Variants in FOXP2 observed in about 807,000 individuals in gnomAD.
The protein encoded by FOXP2 is forkhead box protein P2.
A neutral mutation model predicts 115.8 loss-of-function variants in FOXP2; 12 were observed. The observed-to-expected ratio is 0.10, with a 90% CI of 0.07 to 0.17. FOXP2 has a LOEUF of 0.17. Ranked by LOEUF, FOXP2 falls within the 10% of genes least tolerant of loss-of-function variation. The probability of loss-of-function intolerance (pLI) is 1.00; values close to 1 mark genes in which losing one functional copy is unlikely to be tolerated. For missense variants in FOXP2, 629 were observed against 843.5 expected (o/e 0.75, Z 3.15); for synonymous variants, 328 against 297.7 (o/e 1.10, Z -1.05).
Position 114,291,650 on chromosome 7 carries a change from A to G in FOXP2, c.-11+3541A>G, listed in dbSNP as rs1238476689. Among the ~76,000 whole-genome samples the G allele has an allele frequency of 2.0e-5, 3 of 151,022 alleles. No homozygotes were observed. In the Admixed American group the frequency reaches 2.0e-4, roughly 10 times the overall value. ...TTTAGAGCTCAGGGTCCTCTTCCAAACTCACGGGTTTTTGGCTGAATTCAG... is the reference window on the plus strand; with the variant it reads ...TTTAGAGCTCAGGGTCCTCTTCCAAGCTCACGGGTTTTTGGCTGAATTCAG... On this transcript the variant is annotated intron_variant, in intron 2 of 17. Coordinates refer to the FOXP2 transcript ENST00000634411.
intron 2 of FOXP2, among the ~76,000 whole-genome samples, chr7:114,516,360 T>G (rs574339574): frequency 1.3e-5 from 2 of 152,092 alleles, no homozygotes; most frequent in African/African-American, 4.8e-5. Context: ...TAGCCATATG[T>G]AGAAAGCTGA....
intron 1 of FOXP2, among the ~76,000 whole-genome samples, chr7:114,099,673 T>G (rs1342942682): frequency 6.6e-6 from 1 of 152,192 alleles, no homozygotes; most frequent in Non-Finnish European, 1.5e-5. Context: ...TTTCCTTTGG[T>G]TTCTGCGGAG....
rs189714811 is a variant in FOXP2 at position 114,324,622 on chromosome 7, A to C, written c.-11+36513A>C. 3.0e-4 allele frequency among the ~76,000 whole-genome samples: 46 copies of C among 151,884 alleles called. 3 individuals are homozygous for C. Among genetic ancestry groups the C allele is most frequent in the Admixed American group, 2.8e-3 (43 of 15,278 alleles). On this transcript the variant is annotated intron_variant, in intron 2 of 17. Coordinates refer to the FOXP2 transcript ENST00000634411. ...AACATATTACCTATTCCCAATAATTATTCCTAATAATTGGCGACTGTTATC... is the reference window on the plus strand; with the variant it reads ...AACATATTACCTATTCCCAATAATTCTTCCTAATAATTGGCGACTGTTATC...
chr7:114,420,656 A>C (rs1385053298), intron 1 of FOXP2, among the ~76,000 whole-genome samples: 1 of 151,852 alleles, frequency 6.6e-6, no homozygotes, highest in Non-Finnish European at 1.5e-5. Flanking sequence ...AAAATATTAC[A>C]TTTTGGCATT....
intron 1 of FOXP2, among the ~76,000 whole-genome samples, chr7:114,216,263 A>G (rs966811528): frequency 6.6e-6 from 1 of 152,046 alleles, no homozygotes; most frequent in South Asian, 2.1e-4. Flanking sequence ...CACACAAGAC[A>G]CTCTCATTAA....
At position 114,138,260 on chromosome 7, in the gene FOXP2, G is replaced by T. The variant is rs374492376; in HGVS notation, c.-246-24684G>T. Among the ~76,000 whole-genome samples, 10 of 152,220 alleles carry T rather than the reference G, an allele frequency of 6.6e-5. No homozygotes were observed. The East Asian group carries it at 1.2e-3, about 18-fold the overall frequency. On this transcript the variant is annotated intron_variant, in intron 1 of 19. Coordinates refer to the FOXP2 transcript ENST00000635638. ...AATACAGTATGTCAAGAGGGAAAAA[G>T]AGTAACTTTATAACAGAGAAACCTG...
intron 2 of FOXP2, 148 bp downstream of exon 2, chr7:114,426,827 A>G (rs898730899): frequency 1.1e-6 from 1 of 881,364 alleles, no homozygotes; most frequent in Admixed American, 2.1e-5. Context: ...TTGAAGGATG[A>G]GTAAAGAGAT....
chr7:114,614,083 G>A (rs1803788488), intron 3 of FOXP2, among the ~76,000 whole-genome samples: 1 of 152,170 alleles, frequency 6.6e-6, no homozygotes, highest in Non-Finnish European at 1.5e-5. Flanking sequence ...CTGAGGATAA[G>A]TTTTTAGAAG....
chr7:114,641,246 A>T (rs1805513027), intron 6 of FOXP2, among the ~76,000 whole-genome samples: 1 of 152,242 alleles, frequency 6.6e-6, no homozygotes, highest in Non-Finnish European at 1.5e-5. Context: ...TATAAAAAAT[A>T]TACAAAGACA....
intron 1 of FOXP2, among the ~76,000 whole-genome samples, chr7:114,281,212 A>G (rs532930458): frequency 4.9e-5 from 7 of 143,730 alleles, no homozygotes; most frequent in African/African-American, 1.3e-4. Context: ...AGCAATGCTC[A>G]TGCCTCAGCC....
intron 3 of FOXP2, chr7:114,570,944 C>T (rs1468125860): frequency 7.3e-7 from 1 of 1,362,166 alleles, no homozygotes; most frequent in African/African-American, 1.4e-5. Context: ...CCCAGTCCCA[C>T]TAAATAGATT....
intron 2 of FOXP2, among the ~76,000 whole-genome samples, chr7:114,293,372 A>T (rs1269207354): frequency 1.3e-5 from 2 of 151,956 alleles, no homozygotes; most frequent in East Asian, 3.9e-4. Context: ...GCTGGCTGCC[A>T]TGGAGAGGTA....
intron 2 of FOXP2, among the ~76,000 whole-genome samples, chr7:114,357,765 T>C (rs1791650440): frequency 6.6e-6 from 1 of 152,190 alleles, no homozygotes; most frequent in African/African-American, 2.4e-5. Context: ...TGATTTTTTT[T>C]TCAACATTTA....
Position 114,647,001 on chromosome 7 carries a change from A to AT in FOXP2, c.1094+2219dup, listed in dbSNP as rs537272921. On this transcript the variant is annotated intron_variant, in intron 8 of 16. Coordinates refer to ENST00000350908, the MANE Select transcript of FOXP2 (RefSeq NM_014491.4). Reference sequence around the variant, plus strand: ...AAGCTGTGAAAGATTTTTAGTTCTCATTTTTTTGTGTATCCATTCTCCCTA... The same window carrying AT: ...AAGCTGTGAAAGATTTTTAGTTCTCATTTTTTTTGTGTATCCATTCTCCCTA... Among the ~76,000 whole-genome samples the AT allele has an allele frequency of 2.3e-3, 342 of 151,898 alleles. 2 individuals carry two copies. The highest frequency in any genetic ancestry group is 8.0e-3 in the African/African-American group (333 of 41,532).
At chr7:114,314,928 C>A (rs905481836) in intron 2 of FOXP2, among the ~76,000 whole-genome samples, 4 of 152,028 alleles carry the variant, frequency 2.6e-5, no homozygotes, top group Admixed American at 6.6e-5. Flanking sequence ...ATATAGATGG[C>A]TATTTAACAT....
chr7:114,396,594 A>G (rs1469791581), intron 2 of FOXP2, among the ~76,000 whole-genome samples: 1 of 151,920 alleles, frequency 6.6e-6, no homozygotes, highest in Admixed American at 6.6e-5. Flanking sequence ...TACTAATTAC[A>G]TTCATATGTG....
chr7:114,318,876 T>C (rs887748360), intron 2 of FOXP2, among the ~76,000 whole-genome samples: 1 of 152,176 alleles, frequency 6.6e-6, no homozygotes, highest in African/African-American at 2.4e-5. Flanking sequence ...AATTGACTTC[T>C]GAAAATATCT....
rs552841332 is a variant in FOXP2, at chr7:114,399,812, C to A, written c.-10-26690C>A. Among the ~76,000 whole-genome samples the A allele has an allele frequency of 6.6e-5, 10 of 151,642 alleles. No individual in the cohort carries two copies. In the South Asian group the frequency reaches 1.0e-3, roughly 16 times the overall value. On this transcript the variant is annotated intron_variant, in intron 2 of 17. Transcript: ENST00000634411. The stretch of plus-strand genomic sequence containing the variant: ...GTATAAAGGGAGACAGAGAATACAT[C>A]CAAACCTTAATTTCGAAGTGTCAAA...
upstream of FOXP2, among the ~76,000 whole-genome samples, chr7:114,162,049 C>T (rs1384193804): frequency 1.3e-5 from 2 of 152,082 alleles, no homozygotes; most frequent in Admixed American, 1.3e-4. Context: ...TCCCAAAGTG[C>T]TGGGATTACA....
Sources: allele counts gnomAD v4.1 joint callset (sites outside exome capture counted in the v4.1 genomes callset), GRCh38; gene constraint gnomAD v4.1.1; transcripts MANE v1.5; gene names NCBI Gene and HGNC (gene_info 2026-07-23, HGNC 2026-07-21).